The following CSMD1 variants were observed in gnomAD, a reference collection of about 807,000 sequenced individuals.
The protein encoded by CSMD1 is CUB and Sushi multiple domains 1, also known as CUB and sushi domain-containing protein 1.
CSMD1 carries 213 observed loss-of-function variants against 417.5 expected under a neutral mutation model. The observed-to-expected ratio is 0.51, with a 90% CI of 0.46 to 0.57. CSMD1 has a LOEUF of 0.57. CSMD1 is among the 20% of genes least tolerant of loss of function. CSMD1 has a pLI of 0.00. For synonymous variants in CSMD1, 2,862 were observed against 1,736.8 expected (o/e 1.65, Z -16.11); for missense variants, 6,923 against 4,529.7 (o/e 1.53, Z -15.17).
intron 2 of CSMD1, among the ~76,000 whole-genome samples, chr8:4,478,998 C>T (rs1042892110): frequency 3.3e-5 from 5 of 152,170 alleles, no homozygotes; most frequent in African/African-American, 1.2e-4. Flanking sequence ...ATAATTCCTA[C>T]ACTAAAACAC....
chr8:4,682,582 T>C (rs1806119204), intron 1 of CSMD1, among the ~76,000 whole-genome samples: 1 of 152,072 alleles, frequency 6.6e-6, no homozygotes, highest in Non-Finnish European at 1.5e-5. Flanking sequence ...AATACATAAA[T>C]GTATGATGCA....
intron 8 of CSMD1, among the ~76,000 whole-genome samples, chr8:3,612,550 C>A (rs1801945666): frequency 6.6e-6 from 1 of 152,098 alleles, no homozygotes; most frequent in African/African-American, 2.4e-5. Flanking sequence ...AGAGCATATT[C>A]TTGCCCATAA....
intron 1 of CSMD1, among the ~76,000 whole-genome samples, chr8:4,837,191 G>A (rs901416842): frequency 6.6e-6 from 1 of 152,106 alleles, no homozygotes; most frequent in Non-Finnish European, 1.5e-5. Flanking sequence ...GGGAGAAAAG[G>A]AAACCATTAC....
chr8:4,514,779 C>G (rs149472530), intron 2 of CSMD1, among the ~76,000 whole-genome samples: 1 of 152,266 alleles, frequency 6.6e-6, no homozygotes, highest in African/African-American at 2.4e-5. Context: ...GATACACACT[C>G]TGGTGATTAC....
intron 2 of CSMD1, among the ~76,000 whole-genome samples, chr8:4,476,783 G>T (rs1800825536): frequency 6.6e-6 from 1 of 152,126 alleles, no homozygotes; most frequent in Non-Finnish European, 1.5e-5. Context: ...GGCACAGAGA[G>T]CACCTGACAC....
intron 11 of CSMD1, among the ~76,000 whole-genome samples, chr8:3,483,225 G>C (rs1029764810): frequency 6.6e-6 from 1 of 152,116 alleles, no homozygotes; most frequent in African/African-American, 2.4e-5. Context: ...AAGAACACTT[G>C]CAGAAAGTCA....
At chr8:4,828,416 C>T (rs541055803) in intron 1 of CSMD1, among the ~76,000 whole-genome samples, 5 of 152,096 alleles carry the variant, frequency 3.3e-5, no homozygotes, top group Admixed American at 1.3e-4. Context: ...GACATAACCA[C>T]GCAAAGCAGG....
intron 2 of CSMD1, among the ~76,000 whole-genome samples, chr8:4,517,977 G>C (rs1803215940): frequency 6.6e-6 from 1 of 152,036 alleles, no homozygotes; most frequent in South Asian, 2.1e-4. Flanking sequence ...TTCTAAACCT[G>C]TTCTATTCAA....
intron 25 of CSMD1, among the ~76,000 whole-genome samples, chr8:3,288,722 C>T (rs1055908130): frequency 2.0e-5 from 3 of 146,412 alleles, no homozygotes; most frequent in Admixed American, 6.7e-5. Context: ...AGCAGTTTAT[C>T]AATTTTGTTG....
chr8:3,312,540 C>G (rs536597506), intron 23 of CSMD1, among the ~76,000 whole-genome samples: 3 of 152,182 alleles, frequency 2.0e-5, no homozygotes, highest in Non-Finnish European at 2.9e-5. Flanking sequence ...GAGCTTTGTT[C>G]TCTCAAAGCT....
intron 3 of CSMD1, among the ~76,000 whole-genome samples, chr8:4,248,066 T>G (rs1337218430): frequency 6.6e-6 from 1 of 152,218 alleles, no homozygotes; most frequent in Non-Finnish European, 1.5e-5. Context: ...TGAATGGAAA[T>G]TGTTAAGGAA....
At chr8:3,351,947 G>C (rs982584570) in intron 21 of CSMD1, among the ~76,000 whole-genome samples, 15 of 152,036 alleles carry the variant, frequency 9.9e-5, no homozygotes, top group Admixed American at 2.0e-4. Flanking sequence ...TTGTGTTTGA[G>C]TTAATACCAT....
At chr8:4,658,898 A>G (rs935074610) in intron 1 of CSMD1, among the ~76,000 whole-genome samples, 1 of 152,130 alleles carries the variant, frequency 6.6e-6, no homozygotes, top group African/African-American at 2.4e-5. Context: ...CAACTTTTCT[A>G]TGTTATTGAA....
intron 3 of CSMD1, among the ~76,000 whole-genome samples, chr8:4,129,279 CA>C (rs1802951437): frequency 6.6e-6 from 1 of 152,062 alleles, no homozygotes; most frequent in Admixed American, 6.5e-5. Context: ...CTGCTGTCAA[CA>C]AAACTAGCAC....
chr8:4,235,124 A>T (rs1009684831), intron 3 of CSMD1, among the ~76,000 whole-genome samples: 2 of 152,214 alleles, frequency 1.3e-5, no homozygotes, highest in Middle Eastern at 3.4e-3. Flanking sequence ...CTTTAATCCT[A>T]GAAAAAAGAC....
intron 57 of CSMD1, among the ~76,000 whole-genome samples, chr8:2,970,820 T>C (rs1301885900): frequency 6.6e-6 from 1 of 152,216 alleles, no homozygotes. Context: ...ACAGAAACGT[T>C]GAAATTTTAC....
chr8:3,405,671 G>C (rs1812302544), intron 15 of CSMD1, among the ~76,000 whole-genome samples: 1 of 152,140 alleles, frequency 6.6e-6, no homozygotes, highest in Admixed American at 6.5e-5. Flanking sequence ...TTAGACACAG[G>C]GACAGACACA....
Position 4,232,854 on chromosome 8 carries a change from T to A in CSMD1, c.415+187099A>T, listed in dbSNP as rs146714596. The stretch of plus-strand genomic sequence containing the variant: ...TACTTTATTTATTTATTTATATATT[T>A]ATTTTAGGGGCAACAATCTTGAATA... On this transcript the variant is annotated intron_variant, in intron 3 of 69. Transcript: ENST00000635120. Among the ~76,000 whole-genome samples the A allele has an allele frequency of 1.3e-3, 191 of 152,262 alleles. 2 individuals are homozygous for A. The highest frequency in any genetic ancestry group is 4.3e-3 in the African/African-American group (180 of 41,574).
chr8:3,489,273 T>C (rs1254988288), intron 11 of CSMD1, among the ~76,000 whole-genome samples: 1 of 152,184 alleles, frequency 6.6e-6, no homozygotes, highest in East Asian at 1.9e-4. Context: ...GTATCCTGAT[T>C]TGTTAATCCA....
Sources: gnomAD v4.1 joint callset for allele counts (sites outside exome capture counted in the v4.1 genomes callset) on GRCh38, gnomAD v4.1.1 for gene constraint, MANE v1.5 for transcripts, NCBI Gene and HGNC (gene_info 2026-07-23, HGNC 2026-07-21) for gene names.